GZMB: variants seen among roughly 807,000 people sequenced by gnomAD.
The protein encoded by GZMB is T-cell serine protease 1-3E.
Under a neutral mutation model 24.2 loss-of-function variants are expected in GZMB, and 27 were observed. The ratio of observed to expected loss-of-function variants is 1.12; its 90% CI spans 0.82 to 1.54. The LOEUF (loss-of-function observed/expected upper bound fraction) is 1.54. Among genes scored for constraint, GZMB ranks in the 40% most tolerant of loss-of-function variants. The pLI is 0.00. For missense variants in GZMB, 336 were observed against 310.1 expected, an observed-to-expected ratio of 1.08 and a Z score of -0.63; for synonymous variants, 121 against 115.1, an observed-to-expected ratio of 1.05 and a Z score of -0.33.
chr14:24,633,976 G>C, intron 1 of GZMB, 130 bp downstream of exon 1: 1 of 822,896 alleles, frequency 1.2e-6, no homozygotes, highest in Non-Finnish European at 2.1e-6. Flanking sequence ...CATCACACTT[G>C]GGGGGTCTTG....
chr14:24,631,021 C>A lies in GZMB; in HGVS notation c.*50G>T. On this transcript the variant is annotated 3_prime_UTR_variant, in exon 5 of 5. Coordinates refer to ENST00000216341, the MANE Select transcript of GZMB (RefSeq NM_004131.6). ...TCTCCCAGTGTAAATCTGGACTTGG[C>A]TCCAGAGAAGGTGTTTCATTACAGC... 6.9e-7 allele frequency: 1 copy of A among 1,442,264 alleles called. No homozygotes were observed. Among genetic ancestry groups the A allele is most frequent in the South Asian group, 1.2e-5 (1 of 86,566 alleles). 89.3% of individuals were successfully genotyped at this position (1,442,264 alleles called of 1,614,324 possible). A position where few individuals can be genotyped will look rare whatever the true frequency, so the allele number is the denominator to read the frequency against.
intron 1 of GZMB, chr14:24,633,286 C>T (rs1012926047): frequency 3.0e-5 from 30 of 985,162 alleles, no homozygotes; most frequent in Non-Finnish European, 3.6e-5. Flanking sequence ...GCATACCTGT[C>T]TTAGGGACAG....
chr14:24,632,105 G>C lies in GZMB; in HGVS notation c.353C>G (p.Ala118Gly), dbSNP rs758309888. 2 of 1,613,638 alleles carry C rather than the reference G, an allele frequency of 1.2e-6. No homozygotes were observed. Among genetic ancestry groups the C allele is most frequent in the Non-Finnish European group, 1.7e-6 (2 of 1,179,658 alleles). The stretch of plus-strand genomic sequence containing the variant: ...GGGCTGCACAGCTCTGGTCCGCTTG[G>C]CCTTTCTCTCCAGCTGGTGGGGAAG... ...DIMLLQLERK[A>G]KRTRAVQPLR... The change falls in exon 4 of 5, where the codon GCC becomes GGC. Residue 118 changes from alanine to glycine, a missense_variant. By Grantham distance (60) the Ala-to-Gly change is moderately conservative. Coordinates refer to ENST00000216341, the MANE Select transcript of GZMB (RefSeq NM_004131.6).
chr14:24,632,259 G>T lies in GZMB; in HGVS notation c.339+65C>A, dbSNP rs113822535. The stretch of plus-strand genomic sequence containing the variant: ...CCAGGATGGAAAGGAGGGAAGGGCC[G>T]GCATTCCAGGGGGAGTGGAACCAAC... On this transcript the variant is annotated intron_variant, in intron 3 of 4. Transcript: ENST00000216341. 138,913 of 1,294,422 alleles carry T rather than the reference G, an allele frequency of 0.11. 18,120 individuals are homozygous for T. Among genetic ancestry groups the T allele is most frequent in the African/African-American group, 0.25 (15,281 of 60,338 alleles). The allele number at this position is 1,294,422 out of a possible 1,614,324, so 80.2% of individuals were successfully genotyped here.
rs986850564 is a variant in GZMB at position 24,633,346 on chromosome 14, C to A, written c.56-284G>T. 9 of 982,594 alleles carry A rather than the reference C, an allele frequency of 9.2e-6. No individual in the cohort carries two copies. In the African/African-American group the frequency reaches 1.6e-4, roughly 17 times the overall value. 60.9% of individuals were successfully genotyped at this position (982,594 alleles called of 1,614,324 possible). A position where few individuals can be genotyped will look rare whatever the true frequency, so the allele number is the denominator to read the frequency against. On this transcript the variant is annotated intron_variant, in intron 1 of 4. Transcript: ENST00000216341. Reference sequence around the variant, plus strand: ...TTCCTCTCCTGACTTTGCTTTGTTTCAGGTGAGTTTCCAAGACCCTTATGA... The same window carrying A: ...TTCCTCTCCTGACTTTGCTTTGTTTAAGGTGAGTTTCCAAGACCCTTATGA...
At chr14:24,631,345 C>T (rs1022560928) in intron 4 of GZMB, 131 bp from the exon 5 acceptor site, 9 of 714,386 alleles carry the variant, frequency 1.3e-5, no homozygotes, top group Non-Finnish European at 1.6e-5. Context: ...CAGGGCAGGC[C>T]GCTGGTGGCC....
At chr14:24,631,255 G>C in intron 4 of GZMB, 41 bp from the exon 5 acceptor site, 1 of 1,584,418 alleles carries the variant, frequency 6.3e-7, no homozygotes, top group Non-Finnish European at 8.6e-7. Flanking sequence ...ATGCTCCTCC[G>C]GGTCCTGCCC....
Position 24,633,839 on chromosome 14 carries a change from G to A in GZMB, c.55+267C>T, listed in dbSNP as rs1469871229. ...TCTCTTTTCTAGTTTCCCATCCTCT[G>A]CCATTTACTTCTAGGAAAGTCCTAC... is the stretch of plus-strand genomic sequence containing the variant. On this transcript the variant is annotated intron_variant, in intron 1 of 4. Transcript: ENST00000216341. The A allele has an allele frequency of 9.3e-6, 5 of 535,390 alleles. 1 individual carries two copies. Among genetic ancestry groups the A allele is most frequent in the Non-Finnish European group, 1.7e-5 (5 of 295,974 alleles). 33.2% of individuals were successfully genotyped at this position (535,390 alleles called of 1,614,324 possible).
chr14:24,631,722 C>T (rs1566569238), intron 4 of GZMB, 136 bp downstream of exon 4: 3 of 777,128 alleles, frequency 3.9e-6, no homozygotes, highest in Non-Finnish European at 6.5e-6. Context: ...TCAGTCTAGT[C>T]CCCTCTTCTC....
chr14:24,634,002 G>A (rs1266289840), intron 1 of GZMB, 104 bp downstream of exon 1: 2 of 1,015,956 alleles, frequency 2.0e-6, no homozygotes, highest in Non-Finnish European at 1.5e-6. Context: ...ATGGGAGCTG[G>A]AGTTCAGAAC....
chr14:24,631,616 G>A, intron 4 of GZMB: 2 of 584,062 alleles, frequency 3.4e-6, no homozygotes, highest in East Asian at 5.7e-5. Flanking sequence ...TCTGTGACCT[G>A]GAGTGGGTGG....
At chr14:24,633,811 ATTTCTCTTTTCTAG>A (rs2067018960) in intron 1 of GZMB, 2 of 462,212 alleles carry the variant, frequency 4.3e-6, no homozygotes, top group East Asian at 8.5e-5. Context: ...ATAATTTAAT[ATTTCTCTTTTCTAG>A]TTTCCCATCC....
Position 24,631,842 on chromosome 14 carries a change from A to G in GZMB, c.600+16T>C. On this transcript the variant is annotated intron_variant, in intron 4 of 4. Transcript: ENST00000216341. Reference sequence around the variant, plus strand: ...CTTTCTCCCAAGAGCCAATCCAGGCAGGTGCATAGTCTTACCTTAAAGGAA... The same window carrying G: ...CTTTCTCCCAAGAGCCAATCCAGGCGGGTGCATAGTCTTACCTTAAAGGAA... 6.2e-7 allele frequency: 1 copy of G among 1,611,042 alleles called. No individual in the cohort carries two copies.
At position 24,632,970 on chromosome 14, in the gene GZMB, C is replaced by T. The variant is rs564414889; in HGVS notation, c.148G>A (p.Gly50Ser). The T allele has an allele frequency of 2.5e-5, 41 of 1,613,918 alleles. No individual in the cohort carries two copies. Among genetic ancestry groups the T allele is most frequent in the Admixed American group, 3.3e-5 (2 of 60,004 alleles). Residue 50 changes from glycine (G) to serine (S), a missense_variant, in exon 2 of 5, where the codon GGT becomes AGT. Coordinates refer to ENST00000216341, the MANE Select transcript of GZMB (RefSeq NM_004131.6). ...AAGTCGTCTCGTATCAGGAAGCCAC[C>T]GCACCTCTTCAGAGACTTCTGATCC... is the stretch of plus-strand genomic sequence containing the variant. The part of the protein sequence containing the change: ...IWDQKSLKRC[G>S]GFLIRDDFVL...
chr14:24,632,585 C>CTT, intron 2 of GZMB, 126 bp from the exon 3 acceptor site: 2 of 1,473,326 alleles, frequency 1.4e-6, no homozygotes, highest in Non-Finnish European at 1.9e-6. Flanking sequence ...AGTCGGTCCC[C>CTT]AGGAATTGGA....
chr14:24,632,737 A>C, intron 2 of GZMB, 178 bp downstream of exon 2: 1 of 816,080 alleles, frequency 1.2e-6, no homozygotes, highest in South Asian at 1.4e-5. Context: ...TTCTTACTTC[A>C]GCAGCACCTC....
chr14:24,632,059 C>T lies in GZMB; in HGVS notation c.399G>A (p.Lys133=). ...ATGTCTGCCCTGGCTTCACCTGGGCCTTGTTGCTAGGTAGCCTGAGGGGCT... is the reference window on the plus strand; with the variant it reads ...ATGTCTGCCCTGGCTTCACCTGGGCTTTGTTGCTAGGTAGCCTGAGGGGCT... ...AVQPLRLPSN[K]AQVKPGQTCS... The change falls in exon 4 of 5, where the codon AAG becomes AAA. Residue 133 remains lysine (K), a synonymous_variant. Coordinates refer to ENST00000216341, the MANE Select transcript of GZMB (RefSeq NM_004131.6). 6.2e-7 allele frequency: 1 copy of T among 1,614,182 alleles called. No individual in the cohort carries two copies. Among genetic ancestry groups the T allele is most frequent in the Non-Finnish European group, 8.5e-7 (1 of 1,180,000 alleles).
intron 3 of GZMB, 52 bp from the exon 4 acceptor site, chr14:24,632,170 C>G (rs1392220686): frequency 6.2e-7 from 1 of 1,601,396 alleles, no homozygotes; most frequent in East Asian, 2.2e-5. Flanking sequence ...CTTCTGGGCC[C>G]CGACACAGTG....
chr14:24,631,671 G>A (rs2066995461), intron 4 of GZMB, 187 bp downstream of exon 4: 4 of 613,348 alleles, frequency 6.5e-6, no homozygotes, highest in Admixed American at 2.9e-5. Context: ...TCCACCATAA[G>A]CCTCCTGGTA....
Sources: gnomAD v4.1 joint callset for allele counts on GRCh38, gnomAD v4.1.1 for gene constraint, MANE v1.5 for transcripts, NCBI Gene and HGNC (gene_info 2026-07-23, HGNC 2026-07-21) for gene names.